Variants in CADM1 observed in about 807,000 individuals in gnomAD.
The protein encoded by CADM1 is TSLC-1.
A neutral mutation model predicts 53.1 loss-of-function variants in CADM1; 15 were observed. That is an observed-to-expected ratio of 0.28 (90% CI 0.19 to 0.44). CADM1 has a LOEUF of 0.44. Among genes scored for constraint, CADM1 ranks in the 20% least tolerant of loss-of-function variants. The pLI is 1.00. For synonymous variants in CADM1, 281 were observed against 243.0 expected, an observed-to-expected ratio of 1.16 and a Z score of -1.45; for missense variants, 434 against 611.3, an observed-to-expected ratio of 0.71 and a Z score of 3.06.
intron 1 of CADM1, among the ~76,000 whole-genome samples, chr11:115,324,818 C>T (rs759947900): frequency 1.3e-5 from 2 of 152,120 alleles, no homozygotes; most frequent in African/African-American, 2.4e-5. Context: ...AGTTAAAAGG[C>T]TGGTGTGTGT....
chr11:115,213,465 T>G (rs1328780661), intron 7 of CADM1, among the ~76,000 whole-genome samples: 1 of 141,520 alleles, frequency 7.1e-6, no homozygotes, highest in Admixed American at 7.3e-5. Context: ...TTAGATGTGA[T>G]CTTTTAATTT....
At chr11:115,363,842 T>A (rs1286556479) in intron 1 of CADM1, 10 of 152,218 alleles carry the variant, frequency 6.6e-5, no homozygotes, top group African/African-American at 1.9e-4. Flanking sequence ...AGTGATCCCG[T>A]AAGATTATAA....
rs149175615 is a variant in CADM1, at chr11:115,328,703, T to TATATAC, written c.125-88284_125-88283insGTATAT. On this transcript the variant is annotated intron_variant, in intron 1 of 11. Coordinates refer to ENST00000331581, the MANE Select transcript of CADM1 (RefSeq NM_001301043.2). The stretch of plus-strand genomic sequence containing the variant: ...GTGTATATATATGTGTATATATATG[T>TATATAC]ATATATATATGTGTATATATATGTA... Among the ~76,000 whole-genome samples, 14 of 5,366 alleles carry TATATAC rather than the reference T, an allele frequency of 2.6e-3. 1 individual carries two copies. The highest frequency in any genetic ancestry group is 0.023 in the Non-Finnish European group (13 of 560). 3.5% of individuals were successfully genotyped at this position (5,366 alleles called of 152,430 possible). A position where few individuals can be genotyped will look rare whatever the true frequency, so the allele number is the denominator to read the frequency against.
At position 115,219,940 on chromosome 11, in the gene CADM1, C is replaced by G. The variant is rs543431132; in HGVS notation, c.722-1949G>C. Among the ~76,000 whole-genome samples, 13 of 152,274 alleles carry G rather than the reference C, an allele frequency of 8.5e-5. No individual in the cohort carries two copies. In the South Asian group the frequency reaches 2.5e-3, roughly 29 times the overall value. On this transcript the variant is annotated intron_variant, in intron 5 of 11. Transcript: ENST00000331581. ...CACAGTTCATACCCAGAAACAGCAG[C>G]ACTTACTAGAGTTCCTAGTTAGGGG...
intron 1 of CADM1, among the ~76,000 whole-genome samples, chr11:115,367,538 A>G (rs993289294): frequency 2.0e-5 from 3 of 152,210 alleles, no homozygotes; most frequent in Non-Finnish European, 4.4e-5. Context: ...GAAACAGAAA[A>G]TAATAAAGGA....
chr11:115,412,875 A>G (rs1164889651), intron 1 of CADM1, among the ~76,000 whole-genome samples: 2 of 152,206 alleles, frequency 1.3e-5, no homozygotes, highest in African/African-American at 4.8e-5. Flanking sequence ...ACAAGAAATG[A>G]TATCATTTAT....
intron 1 of CADM1, among the ~76,000 whole-genome samples, chr11:115,285,473 C>G (rs939658000): frequency 6.6e-6 from 1 of 152,104 alleles, no homozygotes; most frequent in Non-Finnish European, 1.5e-5. Context: ...ATAACTTGTT[C>G]AAGGTCACCT....
chr11:115,463,905 T>G (rs941387312), intron 1 of CADM1, among the ~76,000 whole-genome samples: 1 of 151,988 alleles, frequency 6.6e-6, no homozygotes, highest in Admixed American at 6.6e-5. Context: ...TAGAAATAGA[T>G]CCTCAGCTTT....
intron 1 of CADM1, among the ~76,000 whole-genome samples, chr11:115,416,432 T>A (rs991885272): frequency 1.4e-4 from 22 of 152,138 alleles, no homozygotes; most frequent in African/African-American, 5.3e-4. Context: ...TGGGTAACAG[T>A]AAACTCAAGT....
At chr11:115,490,592 G>T (rs1017236977) in intron 1 of CADM1, among the ~76,000 whole-genome samples, 1 of 151,920 alleles carries the variant, frequency 6.6e-6, no homozygotes, top group East Asian at 1.9e-4. Flanking sequence ...TAGAGACAGG[G>T]TTTCACCATA....
chr11:115,176,280 T>A lies in CADM1; in HGVS notation c.*194A>T. 7.2e-7 allele frequency: 1 copy of A among 1,388,114 alleles called. No individual in the cohort carries two copies. Among genetic ancestry groups the A allele is most frequent in the Non-Finnish European group, 9.4e-7 (1 of 1,066,006 alleles). The allele number at this position is 1,388,114 out of a possible 1,614,324, so 86.0% of individuals were successfully genotyped here. On this transcript the variant is annotated 3_prime_UTR_variant, in exon 12 of 12. Transcript: ENST00000331581. The stretch of plus-strand genomic sequence containing the variant: ...ACAAACAAACAAACGAAAAAAGAGG[T>A]GTCAAACAGCAGAGTGTACTTTCCA...
At chr11:115,452,142 G>A (rs1211704463) in intron 1 of CADM1, among the ~76,000 whole-genome samples, 1 of 29,808 alleles carries the variant, frequency 3.4e-5, no homozygotes, top group Non-Finnish European at 5.4e-5. Context: ...GGCGGGGCCA[G>A]CGGGGTGGGG....
chr11:115,212,846 TA>T (rs1389930382), intron 7 of CADM1, among the ~76,000 whole-genome samples: 1 of 152,170 alleles, frequency 6.6e-6, no homozygotes, highest in Non-Finnish European at 1.5e-5. Context: ...TTGTGGAGAT[TA>T]AAGGAGACCA....
chr11:115,293,800 C>A (rs560115189), intron 1 of CADM1, among the ~76,000 whole-genome samples: 1 of 152,146 alleles, frequency 6.6e-6, no homozygotes, highest in African/African-American at 2.4e-5. Context: ...AGTTTAAGTC[C>A]CAAATTCAAG....
At chr11:115,359,605 T>C (rs1036612365) in intron 1 of CADM1, among the ~76,000 whole-genome samples, 2 of 152,224 alleles carry the variant, frequency 1.3e-5, no homozygotes, top group Non-Finnish European at 2.9e-5. Flanking sequence ...ATATGTCTTA[T>C]ATTCAGCACC....
chr11:115,450,512 T>A (rs1948548144), intron 1 of CADM1, among the ~76,000 whole-genome samples: 1 of 152,206 alleles, frequency 6.6e-6, no homozygotes, highest in Non-Finnish European at 1.5e-5. Flanking sequence ...ACTATACAAC[T>A]TCAAATGCGG....
At chr11:115,290,735 G>C (rs528320620) in intron 1 of CADM1, among the ~76,000 whole-genome samples, 18 of 152,164 alleles carry the variant, frequency 1.2e-4, no homozygotes, top group African/African-American at 4.3e-4. Context: ...ATGTAATTAC[G>C]AACAGAAAAC....
intron 1 of CADM1, among the ~76,000 whole-genome samples, chr11:115,282,414 A>G (rs1943612497): frequency 6.6e-6 from 1 of 152,168 alleles, no homozygotes; most frequent in Non-Finnish European, 1.5e-5. Context: ...TTATGAGTAA[A>G]TGTAAAGGTC....
chr11:115,256,742 T>C (rs1942801416), intron 1 of CADM1: 11 of 451,978 alleles, frequency 2.4e-5, no homozygotes, highest in South Asian at 1.4e-4. Flanking sequence ...ATTGTTTGTG[T>C]TCCTTAACAT....
Sources: gnomAD v4.1 joint callset for allele counts (sites outside exome capture counted in the v4.1 genomes callset) on GRCh38, gnomAD v4.1.1 for gene constraint, MANE v1.5 for transcripts, NCBI Gene and HGNC (gene_info 2026-07-23, HGNC 2026-07-21) for gene names.